The following ZFPM1 variants were observed in gnomAD, a reference collection of about 807,000 sequenced individuals.
The protein encoded by ZFPM1 is zinc finger protein ZFPM1.
Under a neutral mutation model 46.3 loss-of-function variants are expected in ZFPM1, and 28 were observed. The ratio of observed to expected loss-of-function variants is 0.60; its 90% CI spans 0.45 to 0.83. ZFPM1 has a LOEUF of 0.83. ZFPM1 is among the 40% of genes least tolerant of loss of function. ZFPM1 has a pLI of 0.00. For synonymous variants in ZFPM1, 957 were observed against 675.9 expected (o/e 1.42, Z -6.45); for missense variants, 1,878 against 1,432.4 (o/e 1.31, Z -5.02).
chr16:88,513,925 C>T lies in ZFPM1; in HGVS notation c.269-462C>T, dbSNP rs150448025. ...ACTTGTCATTGGTTTTAGGGCCCAC[C>T]TGATAATCCCATTGATCTCAAGAGC... On this transcript the variant is annotated intron_variant, in intron 3 of 9. Coordinates refer to ENST00000319555, the MANE Select transcript of ZFPM1 (RefSeq NM_153813.3). Among the ~76,000 whole-genome samples, 542 of 152,342 alleles carry T rather than the reference C, an allele frequency of 3.6e-3. 3 individuals are homozygous for T. Among genetic ancestry groups the T allele is most frequent in the African/African-American group, 0.012 (508 of 41,570 alleles).
At chr16:88,518,041 T>C (rs1911466814) in intron 4 of ZFPM1, among the ~76,000 whole-genome samples, 1 of 151,922 alleles carries the variant, frequency 6.6e-6, no homozygotes, top group African/African-American at 2.4e-5. Flanking sequence ...AAACCCCGTC[T>C]CTATTAAAAA....
intron 4 of ZFPM1, among the ~76,000 whole-genome samples, chr16:88,519,102 GTGGATGGGTGGATGGATGGA>G (rs1220966722): frequency 8.4e-4 from 110 of 130,544 alleles, no homozygotes; most frequent in African/African-American, 3.0e-3. Flanking sequence ...GAGAGTGTGG[GTGGATGGGTGGATGGATGGA>G]TGGATGGGTG....
intron 4 of ZFPM1, among the ~76,000 whole-genome samples, chr16:88,518,762 TG>T (rs201831896): frequency 7.5e-6 from 1 of 133,520 alleles, no homozygotes; most frequent in Non-Finnish European, 1.6e-5. Flanking sequence ...GATGGATGGA[TG>T]GATGGATGGA....
intron 6 of ZFPM1, 100 bp from the exon 7 acceptor site, chr16:88,531,902 C>G: frequency 8.5e-7 from 1 of 1,176,958 alleles, no homozygotes; most frequent in South Asian, 1.5e-5. Flanking sequence ...GTGGGGAGGA[C>G]GGTGGGGTCC....
chr16:88,517,336 A>AGGTG (rs1355492673), intron 4 of ZFPM1, among the ~76,000 whole-genome samples: 1 of 118,354 alleles, frequency 8.4e-6, no homozygotes, highest in East Asian at 3.0e-4. Flanking sequence ...GTGGGTGGGT[A>AGGTG]GGTGGGTGGA....
intron 3 of ZFPM1, among the ~76,000 whole-genome samples, chr16:88,513,856 C>T (rs1466855397): frequency 6.6e-6 from 1 of 152,218 alleles, no homozygotes; most frequent in East Asian, 1.9e-4. Flanking sequence ...CCTCCATCTT[C>T]CCATGGTCTT....
rs1246165997 is a variant in ZFPM1 at position 88,480,995 on chromosome 16, A to G, written c.41-4944A>G. 3.3e-5 allele frequency among the ~76,000 whole-genome samples: 5 copies of G among 152,378 alleles called. No individual in the cohort carries two copies. In the East Asian group the frequency reaches 9.6e-4, roughly 29 times the overall value. On this transcript the variant is annotated intron_variant, in intron 1 of 9. Coordinates refer to ENST00000319555, the MANE Select transcript of ZFPM1 (RefSeq NM_153813.3). The surrounding 1 kb of genome is among the most constrained non-coding windows in gnomAD (Gnocchi z 4.9). Reference sequence around the variant, plus strand: ...GAGCCAGCTCCATAATTCAGTTTTAAAGCATGAAAAAAGGGAGTTGATGAA... The same window carrying G: ...GAGCCAGCTCCATAATTCAGTTTTAGAGCATGAAAAAAGGGAGTTGATGAA...
At chr16:88,528,983 T>C (rs4782521) in intron 6 of ZFPM1, among the ~76,000 whole-genome samples, 118,108 of 151,944 alleles carry the variant, frequency 0.78, 46,612 homozygotes, top group Non-Finnish European at 0.86. Context: ...GCGGGAATCA[T>C]GAGTCACTCA....
chr16:88,536,836 G>A lies in ZFPM1; in HGVS notation c.*1857G>A, dbSNP rs1913265008. 1 of 152,204 alleles carries A rather than the reference G, an allele frequency of 6.6e-6. No individual in the cohort carries two copies. Among genetic ancestry groups the A allele is most frequent in the Non-Finnish European group, 1.5e-5 (1 of 68,050 alleles). The allele number at this position is 152,204 out of a possible 1,614,324, so 9.4% of individuals were successfully genotyped here. On this transcript the variant is annotated 3_prime_UTR_variant, in exon 10 of 10. Coordinates refer to ENST00000319555, the MANE Select transcript of ZFPM1 (RefSeq NM_153813.3). ...AGGTGATAGCGGGGACGGGAGGCACGGACCCCTCAAGTCTGCTCATCATTT... is the reference window on the plus strand; with the variant it reads ...AGGTGATAGCGGGGACGGGAGGCACAGACCCCTCAAGTCTGCTCATCATTT...
intron 3 of ZFPM1, among the ~76,000 whole-genome samples, chr16:88,500,295 G>T (rs868368158): frequency 8.5e-5 from 13 of 152,342 alleles, no homozygotes; most frequent in Admixed American, 3.3e-4. Flanking sequence ...CATGGCCGGG[G>T]ACACAGCCAG....
intron 3 of ZFPM1, among the ~76,000 whole-genome samples, chr16:88,499,096 A>G (rs1387939451): frequency 6.6e-6 from 1 of 151,870 alleles, no homozygotes; most frequent in African/African-American, 2.4e-5. Context: ...CAGCTCCCCA[A>G]CGGCCCCCGT....
intron 3 of ZFPM1, 58 bp downstream of exon 3, chr16:88,489,211 C>T: frequency 6.5e-7 from 1 of 1,532,174 alleles, no homozygotes; most frequent in Non-Finnish European, 8.8e-7. Context: ...TGGCCCGGCC[C>T]CTGGGAGCAG....
chr16:88,488,148 T>G (rs1007980215), intron 2 of ZFPM1, among the ~76,000 whole-genome samples: 1 of 152,238 alleles, frequency 6.6e-6, no homozygotes, highest in African/African-American at 2.4e-5. Context: ...CCAGCCTTAG[T>G]GCCGCACGCA....
intron 3 of ZFPM1, among the ~76,000 whole-genome samples, chr16:88,490,086 C>T (rs1175076580): frequency 6.6e-6 from 1 of 151,328 alleles, no homozygotes; most frequent in African/African-American, 2.4e-5. Flanking sequence ...TGGAGTCTCA[C>T]TCTGTCGCCC....
At chr16:88,507,192 C>G (rs911365901) in intron 3 of ZFPM1, among the ~76,000 whole-genome samples, 1 of 152,190 alleles carries the variant, frequency 6.6e-6, no homozygotes, top group African/African-American at 2.4e-5. Flanking sequence ...ATGCCACTTG[C>G]TGGCTGTGTA....
At chr16:88,499,549 C>G (rs1180109771) in intron 3 of ZFPM1, among the ~76,000 whole-genome samples, 1 of 152,226 alleles carries the variant, frequency 6.6e-6, no homozygotes, top group African/African-American at 2.4e-5. Context: ...CAGGGCGGAG[C>G]CTGGTGCCTA....
Position 88,511,728 on chromosome 16 carries a change from G to A in ZFPM1, c.269-2659G>A, listed in dbSNP as rs554305967. Among the ~76,000 whole-genome samples the A allele has an allele frequency of 8.9e-4, 135 of 152,232 alleles. 2 individuals carry two copies. The South Asian group carries it at 0.023, about 26-fold the overall frequency. On this transcript the variant is annotated intron_variant, in intron 3 of 9. Coordinates refer to ENST00000319555, the MANE Select transcript of ZFPM1 (RefSeq NM_153813.3). ...GCAGAAGAGCGTTGAGAACCACCACGGCCTCTATGTTCAGTTGCACAGGTC... is the reference window on the plus strand; with the variant it reads ...GCAGAAGAGCGTTGAGAACCACCACAGCCTCTATGTTCAGTTGCACAGGTC...
Position 88,534,259 on chromosome 16 carries a change from G to C in ZFPM1, c.2301G>C (p.Glu767Asp). 3.7e-6 allele frequency: 4 copies of C among 1,067,248 alleles called. No homozygotes were observed. The highest frequency in any genetic ancestry group is 4.5e-6 in the Non-Finnish European group (4 of 887,914). 66.1% of individuals were successfully genotyped at this position (1,067,248 alleles called of 1,614,324 possible). ...PPPPGHAPAP[E>D]SPRPGSGSGS... ...CGCCCGGCCACGCCCCCGCGCCCGA[G>C]TCGCCGCGGCCCGGAAGCGGAAGCG... Residue 767 changes from glutamate to aspartate, a missense_variant, in exon 10 of 10, where the codon GAG becomes GAC. Coordinates refer to ENST00000319555, the MANE Select transcript of ZFPM1 (RefSeq NM_153813.3).
chr16:88,516,973 C>A (rs1911340085), intron 4 of ZFPM1, among the ~76,000 whole-genome samples: 1 of 152,164 alleles, frequency 6.6e-6, no homozygotes, highest in Non-Finnish European at 1.5e-5. Context: ...GTGCACAAGT[C>A]CCCAGCCGAG....
Sources: gnomAD v4.1 joint callset for allele counts (sites outside exome capture counted in the v4.1 genomes callset) on GRCh38, gnomAD v4.1.1 for gene constraint, Gnocchi (gnomAD v3.1) non-coding constraint, MANE v1.5 for transcripts, NCBI Gene and HGNC (gene_info 2026-07-23, HGNC 2026-07-21) for gene names.